The following GRK4 variants were observed in gnomAD, a reference collection of about 807,000 sequenced individuals.
The protein encoded by GRK4 is G protein-coupled receptor kinase 4, also known as G protein-coupled receptor kinase 2-like.
GRK4 carries 73 observed loss-of-function variants against 77.9 expected under a neutral mutation model. The ratio of observed to expected loss-of-function variants is 0.94; its 90% CI spans 0.78 to 1.14. The LOEUF (loss-of-function observed/expected upper bound fraction) is 1.14, where lower values mean the gene tolerates loss of function less well. GRK4 is among the 50% of genes most tolerant of loss of function. The probability of loss-of-function intolerance (pLI) is 0.00; values close to 1 mark genes in which losing one functional copy is unlikely to be tolerated. For missense variants in GRK4, 729 were observed against 700.2 expected, an observed-to-expected ratio of 1.04 and a Z score of -0.46; for synonymous variants, 257 against 254.4, an observed-to-expected ratio of 1.01 and a Z score of -0.10.
chr4:3,023,528 C>G (rs1315321432), intron 10 of GRK4, among the ~76,000 whole-genome samples: 1 of 152,194 alleles, frequency 6.6e-6, no homozygotes, highest in Non-Finnish European at 1.5e-5. Flanking sequence ...TGCTTTCATG[C>G]TTATCTAATT....
chr4:2,974,971 A>G (rs1720678094), intron 1 of GRK4, among the ~76,000 whole-genome samples: 1 of 152,178 alleles, frequency 6.6e-6, no homozygotes, highest in Non-Finnish European at 1.5e-5. Context: ...ATATCCATGC[A>G]CAGCCTTCTT....
intron 4 of GRK4, among the ~76,000 whole-genome samples, chr4:2,997,400 G>A (rs930854541): frequency 6.6e-6 from 1 of 152,148 alleles, no homozygotes; most frequent in South Asian, 2.1e-4. Context: ...AAAGCACTGA[G>A]CAAACTAGGA....
intron 12 of GRK4, among the ~76,000 whole-genome samples, chr4:3,030,542 G>A (rs548161481): frequency 3.9e-5 from 6 of 152,276 alleles, no homozygotes; most frequent in Admixed American, 6.5e-5. Flanking sequence ...CCCTGCCAGC[G>A]AGAACTGACA....
chr4:3,038,667 C>A, intron 15 of GRK4, 154 bp downstream of exon 15: 1 of 703,692 alleles, frequency 1.4e-6, no homozygotes, highest in Non-Finnish European at 2.3e-6. Flanking sequence ...TAGGTGGAGG[C>A]CAGCCAGAAC....
At chr4:2,974,070 G>A (rs914797473) in intron 1 of GRK4, among the ~76,000 whole-genome samples, 10 of 152,136 alleles carry the variant, frequency 6.6e-5, no homozygotes, top group Middle Eastern at 6.8e-3. Context: ...GGCTGGCCTC[G>A]GACTCCCGGG....
chr4:2,969,001 T>C (rs1323363636), intron 1 of GRK4, among the ~76,000 whole-genome samples: 1 of 141,732 alleles, frequency 7.1e-6, no homozygotes, highest in Non-Finnish European at 1.6e-5. Flanking sequence ...ACATACACCG[T>C]GGGGGAGAAG....
chr4:2,970,591 G>GA (rs1341858533), intron 1 of GRK4, among the ~76,000 whole-genome samples: 1 of 151,582 alleles, frequency 6.6e-6, no homozygotes, highest in Non-Finnish European at 1.5e-5. Flanking sequence ...CCGGGAGGTG[G>GA]AGGTTGCAGT....
intron 2 of GRK4, among the ~76,000 whole-genome samples, chr4:2,988,461 T>C (rs1363504147): frequency 6.6e-6 from 1 of 152,044 alleles, no homozygotes; most frequent in Non-Finnish European, 1.5e-5. Context: ...AGATATTAGA[T>C]GCTTAACAGA....
At chr4:3,025,058 G>C (rs1178663846) in intron 10 of GRK4, among the ~76,000 whole-genome samples, 1 of 151,922 alleles carries the variant, frequency 6.6e-6, no homozygotes, top group Non-Finnish European at 1.5e-5. Context: ...ATCACCTGAA[G>C]TCAGGAGTTC....
rs148247912 is a variant in GRK4 at position 3,015,167 on chromosome 4, C to T, written c.741+1339C>T. 3.5e-4 allele frequency among the ~76,000 whole-genome samples: 53 copies of T among 152,280 alleles called. No homozygotes were observed. In the East Asian group the frequency reaches 9.5e-3, roughly 27 times the overall value. On this transcript the variant is annotated intron_variant, in intron 8 of 15. Coordinates refer to ENST00000398052, the MANE Select transcript of GRK4 (RefSeq NM_182982.3). ...GGTGTGCATTGTATAGTGTGGTTCT[C>T]ATCTCCAAACCCAGTTTCTCTCTAC...
chr4:2,993,376 A>G (rs1241599834), intron 4 of GRK4, among the ~76,000 whole-genome samples: 1 of 152,148 alleles, frequency 6.6e-6, no homozygotes, highest in African/African-American at 2.4e-5. Flanking sequence ...GCAAACATGT[A>G]ATTAACACTG....
At chr4:3,022,017 C>T (rs548525604) in intron 9 of GRK4, among the ~76,000 whole-genome samples, 3 of 152,300 alleles carry the variant, frequency 2.0e-5, no homozygotes, top group African/African-American at 7.2e-5. Context: ...GCTGGGACTA[C>T]AGGTACACAC....
rs549733430 is a variant in GRK4 at position 3,029,479 on chromosome 4, A to G, written c.1269+70A>G. ...ATTCTAGTTGTTTTCACTGGCAGCT[A>G]TAACAAAAAAAATTGGTCTGTCATC... On this transcript the variant is annotated intron_variant, in intron 12 of 15. Coordinates refer to ENST00000398052, the MANE Select transcript of GRK4 (RefSeq NM_182982.3). 187 of 1,386,106 alleles carry G rather than the reference A, an allele frequency of 1.3e-4. No individual in the cohort carries two copies. The Middle Eastern group carries it at 2.2e-3, about 16-fold the overall frequency. 85.9% of individuals were successfully genotyped at this position (1,386,106 alleles called of 1,614,324 possible). A position where few individuals can be genotyped will look rare whatever the true frequency, so the allele number is the denominator to read the frequency against.
At chr4:3,020,476 C>G (rs768062651) in intron 9 of GRK4, among the ~76,000 whole-genome samples, 2 of 152,120 alleles carry the variant, frequency 1.3e-5, no homozygotes, top group African/African-American at 4.8e-5. Context: ...TATAACATAA[C>G]AATTTAATGT....
chr4:3,025,910 A>G (rs1331081138), intron 10 of GRK4, among the ~76,000 whole-genome samples: 1 of 152,190 alleles, frequency 6.6e-6, no homozygotes, highest in Non-Finnish European at 1.5e-5. Context: ...GACCACATGT[A>G]TTGTCCTCCA....
Position 3,009,707 on chromosome 4 carries a change from G to T in GRK4, c.596G>T (p.Gly199Val). ...AGAGTTCTAGGAAAAGGCGGATTTGGAGAGGTGAGTAACGGGAGCCAGTTC... is the reference window on the plus strand; with the variant it reads ...AGAGTTCTAGGAAAAGGCGGATTTGTAGAGGTGAGTAACGGGAGCCAGTTC... ...HYRVLGKGGF[G>V]EVCACQVRAT... is the part of the protein sequence containing the mutation. Residue 199 changes from glycine to valine, a missense_variant, in exon 7 of 16, where the codon GGA becomes GTA. Coordinates refer to ENST00000398052, the MANE Select transcript of GRK4 (RefSeq NM_182982.3). 1 of 1,613,482 alleles carries T rather than the reference G, an allele frequency of 6.2e-7. No homozygotes were observed. The highest frequency in any genetic ancestry group is 2.2e-5 in the East Asian group (1 of 44,868).
At chr4:3,038,281 G>C in intron 14 of GRK4, 95 bp from the exon 15 acceptor site, 1 of 1,505,896 alleles carries the variant, frequency 6.6e-7, no homozygotes, top group African/African-American at 1.4e-5. Flanking sequence ...GAGGTGCCCC[G>C]CACGGGGCTG....
intron 15 of GRK4, among the ~76,000 whole-genome samples, chr4:3,040,264 A>C (rs1742030130): frequency 6.6e-6 from 1 of 152,016 alleles, no homozygotes; most frequent in Non-Finnish European, 1.5e-5. Flanking sequence ...AACATGGTGA[A>C]ACCCCGTCTC....
At chr4:3,018,471 C>T (rs574824168) in intron 8 of GRK4, among the ~76,000 whole-genome samples, 1 of 152,206 alleles carries the variant, frequency 6.6e-6, no homozygotes, top group Admixed American at 6.5e-5. Context: ...GAGTTTGAGT[C>T]CAGCCTGGGC....
Sources: allele counts gnomAD v4.1 joint callset (sites outside exome capture counted in the v4.1 genomes callset), GRCh38; gene constraint gnomAD v4.1.1; transcripts MANE v1.5; gene names NCBI Gene and HGNC (gene_info 2026-07-23, HGNC 2026-07-21).